Variants in TIAM1 observed in about 807,000 individuals in gnomAD.
TIAM1 encodes rho guanine nucleotide exchange factor TIAM1.
Under a neutral mutation model 163.5 loss-of-function variants are expected in TIAM1, and 65 were observed. The observed-to-expected ratio is 0.40, with a 90% confidence interval of 0.33 to 0.49. TIAM1 has a LOEUF of 0.49. Ranked by LOEUF, TIAM1 falls within the 20% of genes least tolerant of loss-of-function variation. The probability of loss-of-function intolerance (pLI) is 0.77; values close to 1 mark genes in which losing one functional copy is unlikely to be tolerated. For missense variants in TIAM1, 1,789 were observed against 2,044.7 expected (o/e 0.87, Z 2.41); for synonymous variants, 833 against 810.1 (o/e 1.03, Z -0.48).
At chr21:31,537,484 G>T (rs565286607) in intron 1 of TIAM1, among the ~76,000 whole-genome samples, 2 of 151,788 alleles carry the variant, frequency 1.3e-5, no homozygotes, top group African/African-American at 4.8e-5. Context: ...GAGAGCAGTG[G>T]CTCATGCCTG....
intron 12 of TIAM1, among the ~76,000 whole-genome samples, chr21:31,200,768 G>T (rs995373144): frequency 1.1e-4 from 16 of 152,100 alleles, no homozygotes; most frequent in Admixed American, 7.2e-4. Context: ...TTCTGAGAAG[G>T]GGTCTGGAGG....
intron 1 of TIAM1, among the ~76,000 whole-genome samples, chr21:31,503,043 G>A (rs1280795955): frequency 2.6e-5 from 4 of 152,150 alleles, no homozygotes. Flanking sequence ...GCAGTGACAT[G>A]GCTAAATGTA....
intron 1 of TIAM1, among the ~76,000 whole-genome samples, chr21:31,553,517 T>G (rs932397798): frequency 2.0e-5 from 3 of 151,346 alleles, no homozygotes; most frequent in Non-Finnish European, 4.4e-5. Context: ...GCCCAAAGAG[T>G]GAGTGGGAAC....
At chr21:31,502,182 T>G (rs1556007387) in intron 1 of TIAM1, among the ~76,000 whole-genome samples, 1 of 151,804 alleles carries the variant, frequency 6.6e-6, no homozygotes, top group Non-Finnish European at 1.5e-5. Context: ...TAACATATCT[T>G]AAAGAAAAAA....
At chr21:31,456,347 C>T (rs1415735693) in intron 2 of TIAM1, among the ~76,000 whole-genome samples, 1 of 152,188 alleles carries the variant, frequency 6.6e-6, no homozygotes, top group African/African-American at 2.4e-5. Context: ...TCATACCTGG[C>T]GGAACCCAGG....
At chr21:31,248,852 CT>C (rs2071641724) in intron 5 of TIAM1, among the ~76,000 whole-genome samples, 1 of 152,152 alleles carries the variant, frequency 6.6e-6, no homozygotes, top group Non-Finnish European at 1.5e-5. Context: ...TAAAGACTCC[CT>C]TCCCTAAAGG....
chr21:31,488,957 A>G (rs1241096571), intron 1 of TIAM1, among the ~76,000 whole-genome samples: 4 of 151,836 alleles, frequency 2.6e-5, no homozygotes, highest in South Asian at 2.1e-4. Context: ...TTTCTTCTCT[A>G]TGCCTTCCTG....
chr21:31,484,175 A>C (rs2046201645), intron 1 of TIAM1, among the ~76,000 whole-genome samples: 1 of 152,172 alleles, frequency 6.6e-6, no homozygotes, highest in Non-Finnish European at 1.5e-5. Context: ...CTTCCCAGCC[A>C]CCAGAACTGT....
chr21:31,480,921 T>C (rs965169996), intron 1 of TIAM1, among the ~76,000 whole-genome samples: 1 of 152,040 alleles, frequency 6.6e-6, no homozygotes, highest in Non-Finnish European at 1.5e-5. Context: ...GCCCAACTAA[T>C]TTTTTTGTAT....
chr21:31,129,769 T>C (rs2082338549), intron 25 of TIAM1, among the ~76,000 whole-genome samples: 2 of 152,194 alleles, frequency 1.3e-5, no homozygotes, highest in South Asian at 4.1e-4. Flanking sequence ...AAAACATGTG[T>C]AGTCAATGCT....
At chr21:31,343,339 A>C (rs2076074101) in intron 1 of TIAM1, among the ~76,000 whole-genome samples, 1 of 152,226 alleles carries the variant, frequency 6.6e-6, no homozygotes, top group South Asian at 2.1e-4. Context: ...GAGAAGCCTC[A>C]TTTGAGCTAA....
At chr21:31,517,603 G>A (rs1234614701) in intron 1 of TIAM1, among the ~76,000 whole-genome samples, 2 of 152,132 alleles carry the variant, frequency 1.3e-5, no homozygotes, top group East Asian at 1.9e-4. Context: ...TACAGTCACA[G>A]GCCAAGGAAT....
chr21:31,343,448 C>T (rs182378269), intron 1 of TIAM1, among the ~76,000 whole-genome samples: 215 of 152,238 alleles, frequency 1.4e-3, no homozygotes, highest in African/African-American at 5.0e-3. Flanking sequence ...CTTAGGCAAT[C>T]GATCCAAAGG....
intron 1 of TIAM1, among the ~76,000 whole-genome samples, chr21:31,541,329 C>A (rs2048318017): frequency 1.3e-5 from 2 of 151,956 alleles, no homozygotes; most frequent in South Asian, 4.2e-4. Context: ...TGGTGGTGCC[C>A]GCCTGTAGTC....
chr21:31,404,062 C>T (rs1348549221), intron 2 of TIAM1, among the ~76,000 whole-genome samples: 1 of 152,172 alleles, frequency 6.6e-6, no homozygotes, highest in African/African-American at 2.4e-5. Flanking sequence ...AAATTGCATC[C>T]ATGATCTTTG....
intron 4 of TIAM1, among the ~76,000 whole-genome samples, chr21:31,260,260 C>T (rs868682676): frequency 2.0e-4 from 27 of 137,892 alleles, no homozygotes; most frequent in African/African-American, 1.9e-4. Flanking sequence ...TTTTTTGAGA[C>T]GGAGTCTCAC....
intron 2 of TIAM1, among the ~76,000 whole-genome samples, chr21:31,359,850 AAGGAAGGAAGGAAGGG>A (rs1312205679): frequency 9.5e-5 from 11 of 115,756 alleles, no homozygotes; most frequent in African/African-American, 2.9e-4. Context: ...GGAAGGAAGG[AAGGAAGGAAGGAAGGG>A]AGGGAGGGAG....
intron 2 of TIAM1, among the ~76,000 whole-genome samples, chr21:31,434,409 G>A (rs2044142558): frequency 6.6e-6 from 1 of 152,166 alleles, no homozygotes; most frequent in Non-Finnish European, 1.5e-5. Context: ...AATCTGTGGT[G>A]CCCTGGAGTT....
intron 4 of TIAM1, among the ~76,000 whole-genome samples, chr21:31,254,267 G>A (rs561034378): frequency 2.6e-3 from 401 of 152,354 alleles, no homozygotes; most frequent in Non-Finnish European, 3.8e-3. Flanking sequence ...TTGACAGCCT[G>A]CGGCTTAGAA....
Sources: allele counts gnomAD v4.1 joint callset (sites outside exome capture counted in the v4.1 genomes callset), GRCh38; gene constraint gnomAD v4.1.1; transcripts MANE v1.5; gene names NCBI Gene and HGNC (gene_info 2026-07-23, HGNC 2026-07-21).